CCDC171: variants seen among roughly 807,000 people sequenced by gnomAD.
CCDC171 encodes the protein coiled-coil domain-containing protein 171.
Under a neutral mutation model 168.2 loss-of-function variants are expected in CCDC171, and 177 were observed. The observed-to-expected ratio is 1.05, with a 90% CI of 0.93 to 1.19. The LOEUF (loss-of-function observed/expected upper bound fraction) is 1.19. CCDC171 is among the 50% of genes most tolerant of loss of function. The probability of loss-of-function intolerance (pLI) is 0.00; values close to 1 mark genes in which losing one functional copy is unlikely to be tolerated. For synonymous variants in CCDC171, 687 were observed against 540.8 expected (o/e 1.27, Z -3.75); for missense variants, 1,991 against 1,539.0 (o/e 1.29, Z -4.91).
intron 21 of CCDC171, among the ~76,000 whole-genome samples, chr9:15,823,290 G>A (rs751139560): frequency 1.3e-4 from 20 of 151,806 alleles, no homozygotes; most frequent in Non-Finnish European, 2.4e-4. Context: ...AAACCTTCAC[G>A]TTGTGCACTT....
chr9:15,576,421 CA>C (rs1292138197), intron 3 of CCDC171, among the ~76,000 whole-genome samples: 1 of 152,006 alleles, frequency 6.6e-6, no homozygotes, highest in Non-Finnish European at 1.5e-5. Flanking sequence ...CTCCTAGCCT[CA>C]AGCAACCCTC....
chr9:15,933,967 C>G (rs1050262301), intron 25 of CCDC171, among the ~76,000 whole-genome samples: 1 of 151,882 alleles, frequency 6.6e-6, no homozygotes, highest in South Asian at 2.1e-4. Context: ...AAGACTCTAT[C>G]AAGACAGTGA....
At chr9:15,927,197 C>G (rs1349107216) in intron 25 of CCDC171, among the ~76,000 whole-genome samples, 1 of 151,618 alleles carries the variant, frequency 6.6e-6, no homozygotes, top group Non-Finnish European at 1.5e-5. Flanking sequence ...TAAGATTTCT[C>G]ATCAGTTGTA....
chr9:15,829,771 T>G (rs973447228), intron 21 of CCDC171, among the ~76,000 whole-genome samples: 4 of 151,974 alleles, frequency 2.6e-5, no homozygotes, highest in African/African-American at 9.7e-5. Flanking sequence ...AAATAAAAAA[T>G]TAGCCAGGTG....
the CCDC171 span, among the ~76,000 whole-genome samples, chr9:16,094,182 C>G: frequency 3.9e-5 from 6 of 152,112 alleles, no homozygotes; most frequent in African/African-American, 1.4e-4. Context: ...ACTTGGAAAG[C>G]GGGGTGGGCC....
chr9:15,656,308 C>T (rs545074005), intron 7 of CCDC171, among the ~76,000 whole-genome samples: 4 of 148,618 alleles, frequency 2.7e-5, no homozygotes, highest in East Asian at 3.9e-4. Flanking sequence ...GGTGACAGAG[C>T]GAGACTCCGT....
Position 15,848,967 on chromosome 9 carries a change from ATAT to A in CCDC171, c.3468+22_3468+24del. On this transcript the variant is annotated intron_variant, in intron 23 of 25. Transcript: ENST00000380701. ...CACAAGGTACTGTTATTTTTCTTTAATATTGTTCAATTTGTGTCATGACACCTA... is the reference window on the plus strand; with the variant it reads ...CACAAGGTACTGTTATTTTTCTTTAATGTTCAATTTGTGTCATGACACCTA... The A allele has an allele frequency of 7.2e-7, 1 of 1,383,568 alleles. No individual in the cohort carries two copies. Among genetic ancestry groups the A allele is most frequent in the South Asian group, 1.3e-5 (1 of 75,172 alleles). 85.7% of individuals were successfully genotyped at this position (1,383,568 alleles called of 1,614,324 possible). A position where few individuals can be genotyped will look rare whatever the true frequency, so the allele number is the denominator to read the frequency against.
the CCDC171 span, among the ~76,000 whole-genome samples, chr9:16,079,646 A>G: frequency 1.3e-5 from 2 of 152,226 alleles, no homozygotes; most frequent in South Asian, 2.1e-4. Context: ...AAATCTGCCA[A>G]CACTTTGCTT....
At chr9:15,570,498 A>G (rs1342856310) in intron 2 of CCDC171, among the ~76,000 whole-genome samples, 1 of 151,978 alleles carries the variant, frequency 6.6e-6, no homozygotes, top group Non-Finnish European at 1.5e-5. Context: ...ATGCTTATTA[A>G]ACTTTTGGTG....
intron 10 of CCDC171, among the ~76,000 whole-genome samples, chr9:15,693,733 A>G (rs1455141830): frequency 6.6e-6 from 1 of 152,234 alleles, no homozygotes; most frequent in East Asian, 1.9e-4. Context: ...CTATTCTTCC[A>G]TTTTTTCTGT....
chr9:15,843,084 A>G (rs1355981183), intron 21 of CCDC171, among the ~76,000 whole-genome samples: 2 of 152,170 alleles, frequency 1.3e-5, no homozygotes, highest in East Asian at 1.9e-4. Context: ...ATTTCTGGAA[A>G]CAATCAAATG....
chr9:15,918,199 G>T (rs1290714304), intron 24 of CCDC171, among the ~76,000 whole-genome samples: 1 of 151,458 alleles, frequency 6.6e-6, no homozygotes, highest in Non-Finnish European at 1.5e-5. Flanking sequence ...TACTCCATAT[G>T]GTTACTGTAA....
chr9:15,995,750 G>A (rs891746912), intron 3 of CCDC171, among the ~76,000 whole-genome samples: 5 of 152,158 alleles, frequency 3.3e-5, no homozygotes, highest in African/African-American at 1.2e-4. Flanking sequence ...ACTTAACACT[G>A]TGTGTTTTCT....
At chr9:15,663,532 A>G (rs886261692) in intron 8 of CCDC171, among the ~76,000 whole-genome samples, 2 of 151,426 alleles carry the variant, frequency 1.3e-5, no homozygotes, top group Non-Finnish European at 2.9e-5. Context: ...GGAACCTGCT[A>G]TTTTCAACAT....
At chr9:15,937,829 C>T (rs1827275003) in intron 25 of CCDC171, among the ~76,000 whole-genome samples, 1 of 151,866 alleles carries the variant, frequency 6.6e-6, no homozygotes, top group Non-Finnish European at 1.5e-5. Flanking sequence ...ACTGGGTAAA[C>T]TCATTGAGTA....
chr9:15,632,531 C>G (rs1399980123), intron 7 of CCDC171, among the ~76,000 whole-genome samples: 2 of 152,020 alleles, frequency 1.3e-5, no homozygotes, highest in African/African-American at 4.8e-5. Flanking sequence ...AGGATACAAA[C>G]AAATGGAAGA....
In CCDC171 at chr9:15,955,281, A is replaced by G. The variant is rs557475517; in HGVS notation, c.3754-16328A>G. Among the ~76,000 whole-genome samples the G allele has an allele frequency of 4.6e-5, 7 of 151,888 alleles. No individual in the cohort carries two copies. In the South Asian group the frequency reaches 1.2e-3, roughly 27 times the overall value. On this transcript the variant is annotated intron_variant, in intron 25 of 25. Coordinates refer to ENST00000380701, the MANE Select transcript of CCDC171 (RefSeq NM_173550.4). Reference sequence around the variant, plus strand: ...CTTAATGTCTGGTCCCAAAGGGGGGAAAAGAGAAAGATGAAGAGGAGGGAA... The same window carrying G: ...CTTAATGTCTGGTCCCAAAGGGGGGGAAAGAGAAAGATGAAGAGGAGGGAA...
At chr9:15,768,119 C>T (rs2056832205) in intron 18 of CCDC171, among the ~76,000 whole-genome samples, 1 of 150,324 alleles carries the variant, frequency 6.7e-6, no homozygotes, top group East Asian at 2.0e-4. Flanking sequence ...GCTGATGGCT[C>T]CCAAATATTA....
intron 25 of CCDC171, among the ~76,000 whole-genome samples, chr9:15,955,778 A>T (rs1829739443): frequency 6.6e-6 from 1 of 152,116 alleles, no homozygotes; most frequent in Non-Finnish European, 1.5e-5. Context: ...ACTATATTAT[A>T]TTACATTTTT....
Sources: gnomAD v4.1 joint callset for allele counts (sites outside exome capture counted in the v4.1 genomes callset) on GRCh38, gnomAD v4.1.1 for gene constraint, MANE v1.5 for transcripts, NCBI Gene and HGNC (gene_info 2026-07-23, HGNC 2026-07-21) for gene names.